The following GRK5 variants were observed in gnomAD, a reference collection of about 807,000 sequenced individuals.
GRK5 encodes g protein-coupled receptor kinase GRK5.
In GRK5, 40 loss-of-function variants were observed where a neutral mutation model predicts 78.4. That is an observed-to-expected ratio of 0.51 (90% CI 0.40 to 0.66). The LOEUF is 0.66. Among genes scored for constraint, GRK5 ranks in the 30% least tolerant of loss-of-function variants. The probability of loss-of-function intolerance (pLI) is 0.00; values close to 1 mark genes in which losing one functional copy is unlikely to be tolerated. For synonymous variants in GRK5, 289 were observed against 296.8 expected (o/e 0.97, Z 0.27); for missense variants, 598 against 759.9 (o/e 0.79, Z 2.50).
intron 2 of GRK5, among the ~76,000 whole-genome samples, chr10:119,347,971 G>A (rs1412200787): frequency 6.6e-6 from 1 of 152,204 alleles, no homozygotes; most frequent in Non-Finnish European, 1.5e-5. Flanking sequence ...TCTCCACAAA[G>A]GAGGGGCAGA....
Position 119,364,072 on chromosome 10 carries a change from G to A in GRK5, c.149-16743G>A, listed in dbSNP as rs1479799701. On this transcript the variant is annotated intron_variant, in intron 2 of 15. Transcript: ENST00000392870. Reference sequence around the variant, plus strand: ...ACCAAGATCCTTGGGCAGGGGTGGCGGGTATTTCTGCTGATCCTCGGATTC... The same window carrying A: ...ACCAAGATCCTTGGGCAGGGGTGGCAGGTATTTCTGCTGATCCTCGGATTC... Among the ~76,000 whole-genome samples the A allele has an allele frequency of 4.6e-5, 7 of 152,296 alleles. No individual in the cohort carries two copies. In the South Asian group the frequency reaches 1.2e-3, roughly 27 times the overall value.
In GRK5 at chr10:119,378,489, CA is replaced by C. The variant is rs953352416; in HGVS notation, c.149-2319del. Among the ~76,000 whole-genome samples, 18 of 152,260 alleles carry C rather than the reference CA, an allele frequency of 1.2e-4. No homozygotes were observed. Among genetic ancestry groups the C allele is most frequent in the Non-Finnish European group, 2.1e-4 (14 of 68,004 alleles). On this transcript the variant is annotated intron_variant, in intron 2 of 15. Transcript: ENST00000392870. The surrounding 1 kb of genome is among the most constrained non-coding windows in gnomAD (Gnocchi z 4.5). ...CTACTTAGACCGGGCGAATTCCTCCCAAAAAAACCTTGCCCTCAGGTAGGTT... is the reference window on the plus strand; with the variant it reads ...CTACTTAGACCGGGCGAATTCCTCCCAAAAAACCTTGCCCTCAGGTAGGTT...
chr10:119,410,014 T>G (rs1852307676), intron 4 of GRK5, among the ~76,000 whole-genome samples: 1 of 152,248 alleles, frequency 6.6e-6, no homozygotes, highest in Non-Finnish European at 1.5e-5. Context: ...CTCCTGCTGC[T>G]GCTCCTGCAG....
chr10:119,391,300 GGC>G (rs1851884424), intron 3 of GRK5, among the ~76,000 whole-genome samples: 1 of 151,824 alleles, frequency 6.6e-6, no homozygotes, highest in South Asian at 2.1e-4. Flanking sequence ...CTGACCCTGG[GGC>G]CCCTGGGGGA....
rs75085125 is a variant in GRK5, at chr10:119,379,216, G to A, written c.149-1599G>A. On this transcript the variant is annotated intron_variant, in intron 2 of 15. Transcript: ENST00000392870. This position sits in a 1 kb window ranked among gnomAD's most constrained non-coding sequence, Gnocchi z 4.1. ...ATGTATTGTCTTATTCATTCTTCGG[G>A]ACGGTCCTAGGAGTTAGGTCTGCTT... Among the ~76,000 whole-genome samples, 4,120 of 152,202 alleles carry A rather than the reference G, an allele frequency of 0.027. 146 individuals carry two copies. The highest frequency in any genetic ancestry group is 0.14 in the East Asian group (726 of 5,160).
chr10:119,307,437 T>C (rs1850289816), intron 1 of GRK5, among the ~76,000 whole-genome samples: 1 of 152,068 alleles, frequency 6.6e-6, no homozygotes, highest in Admixed American at 6.5e-5. Flanking sequence ...TGGGCCTGAT[T>C]AGAGGGAGAG....
At chr10:119,369,911 C>A (rs2133819249) in intron 2 of GRK5, among the ~76,000 whole-genome samples, 1 of 152,300 alleles carries the variant, frequency 6.6e-6, no homozygotes, top group East Asian at 1.9e-4. Context: ...ACCCCTGACC[C>A]TCCGTTTACC....
At chr10:119,328,790 G>A (rs577043113) in intron 2 of GRK5, among the ~76,000 whole-genome samples, 146 of 152,342 alleles carry the variant, frequency 9.6e-4, no homozygotes, top group Non-Finnish European at 1.7e-3. Flanking sequence ...CTGGCAGGGC[G>A]GTGCTTCCCG....
intron 3 of GRK5, among the ~76,000 whole-genome samples, chr10:119,395,244 A>G (rs768002335): frequency 6.6e-6 from 1 of 152,172 alleles, no homozygotes; most frequent in Non-Finnish European, 1.5e-5. Context: ...ATGGGAGAAA[A>G]TCATTGGATC....
intron 1 of GRK5, among the ~76,000 whole-genome samples, chr10:119,258,696 A>G (rs1473937122): frequency 6.6e-6 from 1 of 152,136 alleles, no homozygotes; most frequent in East Asian, 1.9e-4. Flanking sequence ...ACTCTGGTGC[A>G]ATGATTTGAG....
intron 4 of GRK5, among the ~76,000 whole-genome samples, chr10:119,402,459 C>T (rs1039959683): frequency 9.8e-5 from 15 of 152,332 alleles, no homozygotes; most frequent in African/African-American, 3.4e-4. Flanking sequence ...GGGAGGGTCA[C>T]TCCGAGCTGA....
chr10:119,349,549 C>G (rs1336672432), intron 2 of GRK5, among the ~76,000 whole-genome samples: 1 of 152,212 alleles, frequency 6.6e-6, no homozygotes, highest in East Asian at 1.9e-4. Flanking sequence ...CCAGCCAAGA[C>G]CTGTGTGGGA....
Position 119,326,609 on chromosome 10 carries a change from T to C in GRK5, c.146T>C (p.Ile49Thr), listed in dbSNP as rs991578886. The change falls in exon 2 of 16, where the codon ATA becomes ACA. Residue 49 changes from isoleucine (I) to threonine (T), a missense_variant and splice_region_variant. Physicochemically the swap from Ile to Thr is moderately conservative, Grantham distance 89. Transcript: ENST00000392870. ...ISQCEDLRRT[I>T]DRDYCSLCDK... is the part of the protein sequence containing the mutation. ...CAGTGTGAAGACCTCCGAAGGACCA[T>C]AGGTAAGCTGTCCTGCCTGGGGGCT... The C allele has an allele frequency of 2.5e-6, 4 of 1,611,158 alleles. No homozygotes were observed. The highest frequency in any genetic ancestry group is 3.4e-6 in the Non-Finnish European group (4 of 1,177,478).
At chr10:119,352,358 C>T (rs1038717757) in intron 2 of GRK5, among the ~76,000 whole-genome samples, 7 of 152,052 alleles carry the variant, frequency 4.6e-5, no homozygotes, top group Non-Finnish European at 8.8e-5. Context: ...ATGTGTGAGC[C>T]CCTTGAAGGA....
intron 2 of GRK5, among the ~76,000 whole-genome samples, chr10:119,353,486 C>G (rs1453422501): frequency 6.6e-6 from 1 of 152,212 alleles, no homozygotes; most frequent in Non-Finnish European, 1.5e-5. Context: ...CCTGGAGAGC[C>G]TCTCCTTGGC....
At chr10:119,257,606 C>T (rs1040903500) in intron 1 of GRK5, among the ~76,000 whole-genome samples, 7 of 152,250 alleles carry the variant, frequency 4.6e-5, no homozygotes, top group African/African-American at 1.7e-4. Context: ...TGCCTGTAGT[C>T]CCAGCTACTC....
At chr10:119,307,289 G>T (rs953721457) in intron 1 of GRK5, among the ~76,000 whole-genome samples, 2 of 152,006 alleles carry the variant, frequency 1.3e-5, no homozygotes, top group Admixed American at 6.6e-5. Flanking sequence ...CATGATTAAG[G>T]CTGAATCATG....
intron 1 of GRK5, among the ~76,000 whole-genome samples, chr10:119,274,038 G>A (rs910796987): frequency 1.2e-4 from 19 of 152,154 alleles, no homozygotes; most frequent in African/African-American, 4.3e-4. Flanking sequence ...CAACTACCGC[G>A]CCTGGCCTAT....
intron 1 of GRK5, among the ~76,000 whole-genome samples, chr10:119,261,884 C>G (rs1051422196): frequency 4.6e-5 from 7 of 151,800 alleles, no homozygotes; most frequent in African/African-American, 1.7e-4. Context: ...GAGAGGGAGA[C>G]TGTGGAAAGA....
Sources: allele counts gnomAD v4.1 joint callset (sites outside exome capture counted in the v4.1 genomes callset), GRCh38; gene constraint gnomAD v4.1.1; non-coding constraint Gnocchi (gnomAD v3.1); transcripts MANE v1.5; gene names NCBI Gene and HGNC (gene_info 2026-07-23, HGNC 2026-07-21).